The following MGAT4B variants were observed in gnomAD, a reference collection of about 807,000 sequenced individuals.
MGAT4B encodes N-acetylglucosaminyltransferase IVb.
Under a neutral mutation model 73.9 loss-of-function variants are expected in MGAT4B, and 38 were observed. The observed-to-expected ratio is 0.51, with a 90% CI of 0.40 to 0.67. The LOEUF is 0.67. Ranked by LOEUF, MGAT4B falls within the 30% of genes least tolerant of loss-of-function variation. The pLI is 0.00. For missense variants in MGAT4B, 686 were observed against 735.2 expected, an observed-to-expected ratio of 0.93 and a Z score of 0.77; for synonymous variants, 373 against 313.5, an observed-to-expected ratio of 1.19 and a Z score of -2.01.
intron 8 of MGAT4B, 45 bp from the exon 9 acceptor site, chr5:179,799,681 C>A: frequency 1.2e-6 from 2 of 1,610,916 alleles, no homozygotes; most frequent in South Asian, 1.1e-5. Context: ...CTGCCTACTT[C>A]CTTTCTCCCT....
rs752777524 is a variant in MGAT4B, at chr5:179,799,111, A to G, written c.1160T>C (p.Phe387Ser). Residue 387 changes from phenylalanine (F) to serine (S), a missense_variant, in exon 11 of 15, where the codon TTT (phenylalanine) becomes TCT (serine). By Grantham distance (155) the Phe-to-Ser change is radical. This residue lies in a region of MGAT4B where 449 missense variants were observed against 536.8 expected (regional missense o/e 0.84). Coordinates refer to ENST00000292591, the MANE Select transcript of MGAT4B (RefSeq NM_014275.5). ...GKIQKLKDKDFGKQALRKEHV... is the reference protein window; with the variant it reads ...GKIQKLKDKDSGKQALRKEHV... ...CTCCTTCCGCAGCGCCTGCTTTCCA[A>G]AGTCTTTGTCCTGCAGCGGAGGAGG... 6.2e-7 allele frequency: 1 copy of G among 1,613,948 alleles called. No individual in the cohort carries two copies. The highest frequency in any genetic ancestry group is 8.5e-7 in the Non-Finnish European group (1 of 1,180,036).
At chr5:179,800,838 G>A (rs1756889098) in intron 5 of MGAT4B, 69 bp downstream of exon 5, 1 of 1,548,170 alleles carries the variant, frequency 6.5e-7, no homozygotes, top group Non-Finnish European at 8.9e-7. Context: ...GGGGAGGCAG[G>A]AACCTGCCAG....
At chr5:179,805,618 C>T (rs1239017121) in intron 1 of MGAT4B, among the ~76,000 whole-genome samples, 1 of 152,242 alleles carries the variant, frequency 6.6e-6, no homozygotes, top group Non-Finnish European at 1.5e-5. Flanking sequence ...CGCCCTCCTC[C>T]GCAGCCTCTC....
In MGAT4B at chr5:179,806,380, G is replaced by A. The variant is rs2113446392; in HGVS notation, c.97+107C>T. The stretch of plus-strand genomic sequence containing the variant: ...TCCTCGCGCCGCCCGGGCGGGGAAG[G>A]GGCGCCTGCGTCGGCTTCCGGCCGC... On this transcript the variant is annotated intron_variant, in intron 1 of 14. Coordinates refer to ENST00000292591, the MANE Select transcript of MGAT4B (RefSeq NM_014275.5). This position sits in a 1 kb window ranked among gnomAD's most constrained non-coding sequence, Gnocchi z 4.6. 1.9e-6 allele frequency: 1 copy of A among 535,098 alleles called. No individual in the cohort carries two copies. Among genetic ancestry groups the A allele is most frequent in the Non-Finnish European group, 2.5e-6 (1 of 401,572 alleles). The allele number at this position is 535,098 out of a possible 1,614,324, so 33.1% of individuals were successfully genotyped here.
chr5:179,803,790 C>T (rs1757039763), intron 1 of MGAT4B: 2 of 152,400 alleles, frequency 1.3e-5, no homozygotes, highest in African/African-American at 4.8e-5. Flanking sequence ...CCGCCCACAC[C>T]AACCCTTCTG....
At chr5:179,800,633 C>G in intron 5 of MGAT4B, 36 bp from the exon 6 acceptor site, 1 of 1,461,738 alleles carries the variant, frequency 6.8e-7, no homozygotes, top group Non-Finnish European at 9.5e-7. Flanking sequence ...TATGCAGCCT[C>G]CAGGGGCTGA....
At chr5:179,803,266 G>T in intron 1 of MGAT4B, 1 of 985,410 alleles carries the variant, frequency 1.0e-6, no homozygotes, top group Non-Finnish European at 1.2e-6. Context: ...AAAGGCTGAG[G>T]CAAAGCGGAG....
At position 179,797,825 on chromosome 5, in the gene MGAT4B, A is replaced by G; in HGVS notation, c.*220T>C. 5.3e-6 allele frequency: 3 copies of G among 571,182 alleles called. No homozygotes were observed. Among genetic ancestry groups the G allele is most frequent in the Non-Finnish European group, 8.9e-6 (3 of 335,706 alleles). The allele number at this position is 571,182 out of a possible 1,614,324, so 35.4% of individuals were successfully genotyped here. ...GCGAACGGTTCCGGGCCTCAGGCACAGTGTGGGGGCCGCCTGCCTCCTCCG... is the reference window on the plus strand; with the variant it reads ...GCGAACGGTTCCGGGCCTCAGGCACGGTGTGGGGGCCGCCTGCCTCCTCCG... On this transcript the variant is annotated 3_prime_UTR_variant, in exon 15 of 15. Coordinates refer to ENST00000292591, the MANE Select transcript of MGAT4B (RefSeq NM_014275.5).
chr5:179,806,032 G>A lies in MGAT4B; in HGVS notation c.97+455C>T, dbSNP rs1214274938. Among the ~76,000 whole-genome samples the A allele has an allele frequency of 7.0e-6, 1 of 143,426 alleles. No homozygotes were observed. The highest frequency in any genetic ancestry group is 1.5e-5 in the Non-Finnish European group (1 of 64,770). The allele number at this position is 143,426 out of a possible 152,430, so 94.1% of individuals were successfully genotyped here. On this transcript the variant is annotated intron_variant, in intron 1 of 14. Coordinates refer to ENST00000292591, the MANE Select transcript of MGAT4B (RefSeq NM_014275.5). The surrounding 1 kb of genome is among the most constrained non-coding windows in gnomAD (Gnocchi z 4.6). ...GCCGGATGCTGCCGACGCGTTCTGG[G>A]CGCCGAAGGGAGTCCCAGGACCGGG...
chr5:179,806,567 C>A lies in MGAT4B; in HGVS notation c.17G>T (p.Gly6Val). 1 of 1,298,504 alleles carries A rather than the reference C, an allele frequency of 7.7e-7. No individual in the cohort carries two copies. The highest frequency in any genetic ancestry group is 1.0e-6 in the Non-Finnish European group (1 of 996,042). The allele number at this position is 1,298,504 out of a possible 1,614,324, so 80.4% of individuals were successfully genotyped here. MRLRN[G>V]TFLTLLLFCL... is the part of the protein sequence containing the mutation. ...GAAGAGCAGCAGCGTCAGGAAGGTG[C>A]CATTGCGGAGCCTCATCTCCTCGGG... is the stretch of plus-strand genomic sequence containing the variant. The change falls in exon 1 of 15, where the codon GGC becomes GTC. Residue 6 changes from glycine (G) to valine (V), a missense_variant. By Grantham distance (109) the Gly-to-Val change is moderately radical. This residue lies in a region of MGAT4B where 237 missense variants were observed against 198.5 expected (regional missense o/e 1.19). Transcript: ENST00000292591. The surrounding 1 kb of genome is among the most constrained non-coding windows in gnomAD (Gnocchi z 4.6).
Position 179,799,628 on chromosome 5 carries a change from A to C in MGAT4B, c.919T>G (p.Phe307Val). Residue 307 changes from phenylalanine to valine, a missense_variant, in exon 9 of 15, where the codon TTC becomes GTC. This residue lies in a region of MGAT4B where 449 missense variants were observed against 536.8 expected (regional missense o/e 0.84). Transcript: ENST00000292591. ...FSQLGFIGKM[F>V]KSLDLSLIVE... Reference sequence around the variant, plus strand: ...ATCAGGCTCAGGTCCAGCGACTTGAACATCTTACCTGGTGGGGAGGGGCCT... The same window carrying C: ...ATCAGGCTCAGGTCCAGCGACTTGACCATCTTACCTGGTGGGGAGGGGCCT... 6.2e-7 allele frequency: 1 copy of C among 1,613,632 alleles called. No homozygotes were observed. Among genetic ancestry groups the C allele is most frequent in the East Asian group, 2.2e-5 (1 of 44,878 alleles).
At position 179,798,134 on chromosome 5, in the gene MGAT4B, C is replaced by T. The variant is rs772771034; in HGVS notation, c.1623+31G>A. Reference sequence around the variant, plus strand: ...CCGCCAGGGTCTCCCTGGCTGCTCCCCGTGCCTGGCCTGGCCCTGCCCAGC... The same window carrying T: ...CCGCCAGGGTCTCCCTGGCTGCTCCTCGTGCCTGGCCTGGCCCTGCCCAGC... On this transcript the variant is annotated intron_variant, in intron 14 of 14. Transcript: ENST00000292591. 1.1e-5 allele frequency: 18 copies of T among 1,591,404 alleles called. No individual in the cohort carries two copies. In the South Asian group the frequency reaches 1.8e-4, roughly 16 times the overall value.
chr5:179,801,513 C>G lies in MGAT4B; in HGVS notation c.424+41G>C. 6.2e-7 allele frequency: 1 copy of G among 1,602,646 alleles called. No homozygotes were observed. The highest frequency in any genetic ancestry group is 8.5e-7 in the Non-Finnish European group (1 of 1,172,746). On this transcript the variant is annotated intron_variant, in intron 3 of 14. Transcript: ENST00000292591. The surrounding 1 kb of genome is among the most constrained non-coding windows in gnomAD (Gnocchi z 4.8). The stretch of plus-strand genomic sequence containing the variant: ...ACGCTGGAAAGGGTGCGGGGGCCAC[C>G]CGTCCCCCCACCCCGTGCTCCTCCC...
Position 179,801,888 on chromosome 5 carries a change from C to G in MGAT4B, c.179G>C (p.Arg60Pro), listed in dbSNP as rs1486459525. ...CAGCACCAGGTTGAGCTCCTTGGAG[C>G]GCTTGAGGCTCTCCTGCTCAGCTGC... ...LHAAEQESLK[R>P]SKELNLVLDE... Residue 60 changes from arginine (R) to proline (P), a missense_variant, in exon 2 of 15, where the codon CGC (arginine) becomes CCC (proline). Arg to Pro is a moderately radical substitution (Grantham distance 103). Around this residue, in one of 2 missense-constraint regions of MGAT4B, gnomAD observed 237 missense variants for 198.5 expected, o/e 1.19. Transcript: ENST00000292591. This position sits in a 1 kb window ranked among gnomAD's most constrained non-coding sequence, Gnocchi z 4.8. 6.2e-7 allele frequency: 1 copy of G among 1,612,956 alleles called. No individual in the cohort carries two copies. Among genetic ancestry groups the G allele is most frequent in the East Asian group, 2.2e-5 (1 of 44,860 alleles).
rs909606734 is a variant in MGAT4B, at chr5:179,801,103, C to T, written c.559-150G>A. On this transcript the variant is annotated intron_variant, in intron 4 of 14. Transcript: ENST00000292591. The surrounding 1 kb of genome is among the most constrained non-coding windows in gnomAD (Gnocchi z 4.8). Reference sequence around the variant, plus strand: ...GGCGGAGTAAGGGGGCCCCCAGAGACGGCCCTTTCCCTTTGGGACTCGCAT... The same window carrying T: ...GGCGGAGTAAGGGGGCCCCCAGAGATGGCCCTTTCCCTTTGGGACTCGCAT... 44 of 1,171,102 alleles carry T rather than the reference C, an allele frequency of 3.8e-5. No homozygotes were observed. Among genetic ancestry groups the T allele is most frequent in the Middle Eastern group, 2.8e-4 (1 of 3,608 alleles). The allele number at this position is 1,171,102 out of a possible 1,614,324, so 72.5% of individuals were successfully genotyped here. A position where few individuals can be genotyped will look rare whatever the true frequency, so the allele number is the denominator to read the frequency against.
At position 179,801,443 on chromosome 5, in the gene MGAT4B, C is replaced by G; in HGVS notation, c.449G>C (p.Ser150Thr). ...GTACGAGTGCACCTCGCGCCGCACG[C>G]TCGGGATGCCCATCACCACCGACAC... ...TGVSVVMGIP[S>T]VRREVHSYLT... Residue 150 changes from serine to threonine, a missense_variant, in exon 4 of 15, where the codon AGC becomes ACC. Ser to Thr is a moderately conservative substitution (Grantham distance 58). This residue lies in a region of MGAT4B where 449 missense variants were observed against 536.8 expected (regional missense o/e 0.84). Transcript: ENST00000292591. The surrounding 1 kb of genome is among the most constrained non-coding windows in gnomAD (Gnocchi z 4.8). 1.2e-6 allele frequency: 2 copies of G among 1,608,812 alleles called. No individual in the cohort carries two copies. The highest frequency in any genetic ancestry group is 1.3e-5 in the African/African-American group (1 of 75,012).
At chr5:179,802,027 C>T (rs748183063) in intron 1 of MGAT4B, 58 bp from the exon 2 acceptor site, 1 of 1,612,366 alleles carries the variant, frequency 6.2e-7, no homozygotes, top group Non-Finnish European at 8.5e-7. Flanking sequence ...CTACGGGCCC[C>T]TCCAGTGTGC....
Position 179,806,663 on chromosome 5 carries a change from A to AGGCGGCGGCGGCGGC in MGAT4B, c.-95_-81dup, listed in dbSNP as rs561073025. 1 of 582,196 alleles carries AGGCGGCGGCGGCGGC rather than the reference A, an allele frequency of 1.7e-6. No individual in the cohort carries two copies. Among genetic ancestry groups the AGGCGGCGGCGGCGGC allele is most frequent in the Admixed American group, 7.1e-5 (1 of 14,024 alleles). The allele number at this position is 582,196 out of a possible 1,614,324, so 36.1% of individuals were successfully genotyped here. A position where few individuals can be genotyped will look rare whatever the true frequency, so the allele number is the denominator to read the frequency against. On this transcript the variant is annotated 5_prime_UTR_variant, in exon 1 of 15. Transcript: ENST00000292591. This position sits in a 1 kb window ranked among gnomAD's most constrained non-coding sequence, Gnocchi z 4.6. ...CCGGGGCCGGGGCGCAGGGGTCGGA[A>AGGCGGCGGCGGCGGC]GGCGGCGGCGGCGGCGGCAGGGGCC...
intron 1 of MGAT4B, among the ~76,000 whole-genome samples, chr5:179,805,713 CAGCA>C (rs1246852610): frequency 3.3e-5 from 5 of 152,248 alleles, no homozygotes; most frequent in South Asian, 4.1e-4. Flanking sequence ...CTTAGGCCTC[CAGCA>C]GGCAGGCAGG....
Sources: gnomAD v4.1 joint callset for allele counts (sites outside exome capture counted in the v4.1 genomes callset) on GRCh38, gnomAD v4.1.1 for gene constraint, gnomAD v4.1.1 regional missense constraint, Gnocchi (gnomAD v3.1) non-coding constraint, MANE v1.5 for transcripts, NCBI Gene and HGNC (gene_info 2026-07-23, HGNC 2026-07-21) for gene names.